Variants in PHIP observed in about 807,000 individuals in gnomAD.
PHIP encodes PHIP subunit of CUL4-Ring ligase complex.
A neutral mutation model predicts 236.8 loss-of-function variants in PHIP; 54 were observed. The ratio of observed to expected loss-of-function variants is 0.23; its 90% confidence interval spans 0.18 to 0.29. PHIP has a LOEUF of 0.29. Among genes scored for constraint, PHIP ranks in the 10% least tolerant of loss-of-function variants. PHIP has a pLI of 1.00. For synonymous variants in PHIP, 756 were observed against 718.9 expected (o/e 1.05, Z -0.83); for missense variants, 1,370 against 2,190.8 (o/e 0.63, Z 7.48).
chr6:78,948,165 A>G (rs1773931526), intron 35 of PHIP, among the ~76,000 whole-genome samples: 1 of 152,188 alleles, frequency 6.6e-6, no homozygotes, highest in Admixed American at 6.5e-5. Context: ...TTAAAACACA[A>G]CTGTAACTTT....
intron 35 of PHIP, among the ~76,000 whole-genome samples, chr6:78,948,609 C>G (rs1265238412): frequency 6.6e-6 from 1 of 152,100 alleles, no homozygotes; most frequent in East Asian, 1.9e-4. Context: ...ACCTTCCCAC[C>G]TCAGCCTCTC....
intron 17 of PHIP, 42 bp downstream of exon 17, chr6:79,001,857 G>A: frequency 1.5e-6 from 2 of 1,302,966 alleles, no homozygotes; most frequent in Non-Finnish European, 2.2e-6. Context: ...ACAGTTCGGT[G>A]GGAAGAAGAA....
chr6:79,002,501 A>C (rs1416045339), intron 16 of PHIP, among the ~76,000 whole-genome samples: 1 of 152,106 alleles, frequency 6.6e-6, no homozygotes, highest in Non-Finnish European at 1.5e-5. Flanking sequence ...ATGCATAATG[A>C]AATCACGTGC....
Position 78,941,345 on chromosome 6 carries a change from C to T in PHIP, c.4829-15G>A. The T allele has an allele frequency of 1.3e-6, 2 of 1,590,218 alleles. No homozygotes were observed. Among genetic ancestry groups the T allele is most frequent in the Non-Finnish European group, 1.7e-6 (2 of 1,168,896 alleles). ...CTTACAATCTCCTAAAAGGGAACAA[C>T]AGTACACTTAATATATGGAGTTTCT... On this transcript the variant is annotated splice_polypyrimidine_tract_variant and intron_variant, in intron 39 of 39. Transcript: ENST00000275034.
chr6:79,068,837 G>C (rs1395621309), intron 4 of PHIP, among the ~76,000 whole-genome samples: 2 of 152,150 alleles, frequency 1.3e-5, no homozygotes, highest in African/African-American at 4.8e-5. Context: ...TGATTTAGCT[G>C]TGAAGACCTA....
intron 7 of PHIP, among the ~76,000 whole-genome samples, chr6:79,033,721 T>C (rs1771783062): frequency 6.6e-6 from 1 of 152,186 alleles, no homozygotes; most frequent in African/African-American, 2.4e-5. Flanking sequence ...TTTCTCATCA[T>C]TTGTGTGCTC....
chr6:78,967,862 C>T (rs1347727599), intron 27 of PHIP, among the ~76,000 whole-genome samples: 2 of 152,050 alleles, frequency 1.3e-5, no homozygotes, highest in Admixed American at 6.6e-5. Context: ...CGGCCGGGCG[C>T]GGTGGCTCAT....
At position 78,988,302 on chromosome 6, in the gene PHIP, T is replaced by C. The variant is rs1768991728; in HGVS notation, c.2367A>G (p.Gln789=). Reference sequence around the variant, plus strand: ...TACGATAATTGTGTTGATTTGTCTGTTGCTTTTTGGATTCTCCAAGATCCA... The same window carrying C: ...TACGATAATTGTGTTGATTTGTCTGCTGCTTTTTGGATTCTCCAAGATCCA... ...HFLDLGESKK[Q]QTNQHNYRTR... Residue 789 remains glutamine (Q), a synonymous_variant, in exon 21 of 40, where the codon CAA becomes CAG. Coordinates refer to ENST00000275034, the MANE Select transcript of PHIP (RefSeq NM_017934.7). The C allele has an allele frequency of 1.2e-6, 2 of 1,607,488 alleles. No homozygotes were observed. Among genetic ancestry groups the C allele is most frequent in the Admixed American group, 3.3e-5 (2 of 59,718 alleles).
At chr6:78,981,798 G>T (rs1048191498) in intron 23 of PHIP, among the ~76,000 whole-genome samples, 1 of 151,910 alleles carries the variant, frequency 6.6e-6, no homozygotes. Flanking sequence ...TAACAAATCA[G>T]ACTACATTTA....
chr6:78,945,852 C>CT (rs898858795), intron 38 of PHIP, 149 bp downstream of exon 38: 14 of 660,118 alleles, frequency 2.1e-5, no homozygotes, highest in Middle Eastern at 4.3e-4. Context: ...TTATTAAAAA[C>CT]TTTTTTTTAA....
At chr6:79,041,688 G>C (rs975134992) in intron 7 of PHIP, among the ~76,000 whole-genome samples, 1 of 151,952 alleles carries the variant, frequency 6.6e-6, no homozygotes, top group African/African-American at 2.4e-5. Context: ...TACTACTGTA[G>C]GTATGTCAGG....
At chr6:79,059,596 T>TATATATATATATAC (rs1422891935) in intron 6 of PHIP, among the ~76,000 whole-genome samples, 3 of 60,118 alleles carry the variant, frequency 5.0e-5, no homozygotes, top group African/African-American at 1.4e-4. Context: ...CAAAATTATA[T>TATATATATATATAC]ATATATATAT....
At chr6:78,945,624 G>T in intron 38 of PHIP, 127 bp from the exon 39 acceptor site, 1 of 667,036 alleles carries the variant, frequency 1.5e-6, no homozygotes, top group Non-Finnish European at 2.6e-6. Flanking sequence ...GCTTTCTTAG[G>T]AAAGCTACTT....
chr6:78,937,597 A>T lies in PHIP; in HGVS notation c.*3096T>A, dbSNP rs775021321. On this transcript the variant is annotated 3_prime_UTR_variant, in exon 40 of 40. Coordinates refer to ENST00000275034, the MANE Select transcript of PHIP (RefSeq NM_017934.7). Reference sequence around the variant, plus strand: ...ATATTCCACATACTTATTTACTTGGATTGGAGGAAGACAGTTTTATAATAA... The same window carrying T: ...ATATTCCACATACTTATTTACTTGGTTTGGAGGAAGACAGTTTTATAATAA... 1.5e-4 allele frequency: 23 copies of T among 151,724 alleles called. No individual in the cohort carries two copies. The highest frequency in any genetic ancestry group is 3.1e-4 in the Non-Finnish European group (21 of 67,658). The allele number at this position is 151,724 out of a possible 1,614,324, so 9.4% of individuals were successfully genotyped here.
chr6:79,069,147 A>G (rs1773766448), intron 4 of PHIP, among the ~76,000 whole-genome samples: 1 of 149,038 alleles, frequency 6.7e-6, no homozygotes, highest in Non-Finnish European at 1.5e-5. Context: ...TTATAGAAAT[A>G]CAATATATTG....
At chr6:78,963,954 GAACAAC>G (rs141130430) in intron 29 of PHIP, among the ~76,000 whole-genome samples, 5 of 151,956 alleles carry the variant, frequency 3.3e-5, no homozygotes, top group Non-Finnish European at 7.4e-5. Flanking sequence ...TATCCAAATA[GAACAAC>G]AACAGTAACC....
chr6:78,965,320 T>C (rs1767058889), intron 29 of PHIP, among the ~76,000 whole-genome samples: 2 of 152,088 alleles, frequency 1.3e-5, no homozygotes, highest in Admixed American at 1.3e-4. Flanking sequence ...AAATGACAAG[T>C]CAGGATATGA....
intron 31 of PHIP, 82 bp from the exon 32 acceptor site, chr6:78,958,682 C>T (rs1161269047): frequency 1.2e-6 from 1 of 841,584 alleles, no homozygotes; most frequent in Non-Finnish European, 2.0e-6. Flanking sequence ...GACATTCCAA[C>T]TTTTCAACTT....
At position 78,940,897 on chromosome 6, in the gene PHIP, T is replaced by G. The variant is rs1391986581; in HGVS notation, c.5262A>C (p.Glu1754Asp). The change falls in exon 40 of 40, where the codon GAA (glutamate) becomes GAC (aspartate). Residue 1754 changes from glutamate (E) to aspartate (D), a missense_variant. Physicochemically the swap from Glu to Asp is conservative, Grantham distance 45 (BLOSUM62 2). Around this residue, in one of 14 missense-constraint regions of PHIP, gnomAD observed 309 missense variants for 328.3 expected, o/e 0.94. Coordinates refer to ENST00000275034, the MANE Select transcript of PHIP (RefSeq NM_017934.7). Reference protein sequence around the residue: ...KKIDDPIDEEEEFEELKGSEP... With the variant: ...KKIDDPIDEEDEFEELKGSEP... ...CAGAGCCTTTGAGTTCTTCAAACTC[T>G]TCTTCCTCATCTATAGGATCATCTA... 6.2e-7 allele frequency: 1 copy of G among 1,613,866 alleles called. No individual in the cohort carries two copies. Among genetic ancestry groups the G allele is most frequent in the Non-Finnish European group, 8.5e-7 (1 of 1,179,808 alleles).
Sources: gnomAD v4.1 joint callset for allele counts (sites outside exome capture counted in the v4.1 genomes callset) on GRCh38, gnomAD v4.1.1 for gene constraint, gnomAD v4.1.1 regional missense constraint, MANE v1.5 for transcripts, NCBI Gene and HGNC (gene_info 2026-07-23, HGNC 2026-07-21) for gene names.